SSBP2: variants seen among roughly 807,000 people sequenced by gnomAD.
The protein encoded by SSBP2 is single stranded DNA binding protein 2.
In SSBP2, 17 loss-of-function variants were observed where a neutral mutation model predicts 61.8. The ratio of observed to expected loss-of-function variants is 0.28; its 90% confidence interval spans 0.19 to 0.41. The LOEUF (loss-of-function observed/expected upper bound fraction) is 0.41, where lower values mean the gene tolerates loss of function less well. Ranked by LOEUF, SSBP2 falls within the 10% of genes least tolerant of loss-of-function variation. SSBP2 has a pLI of 1.00. For synonymous variants in SSBP2, 139 were observed against 141.3 expected, an observed-to-expected ratio of 0.98 and a Z score of 0.12; for missense variants, 310 against 458.7, an observed-to-expected ratio of 0.68 and a Z score of 2.96.
At chr5:81,567,315 T>C (rs1003955053) in intron 4 of SSBP2, among the ~76,000 whole-genome samples, 2 of 152,180 alleles carry the variant, frequency 1.3e-5, no homozygotes, top group South Asian at 2.1e-4. Context: ...CAGCCATGGC[T>C]GAAAGGGACT....
At chr5:81,566,454 C>A (rs1773430752) in intron 4 of SSBP2, among the ~76,000 whole-genome samples, 1 of 152,188 alleles carries the variant, frequency 6.6e-6, no homozygotes, top group Non-Finnish European at 1.5e-5. Context: ...TTGCCTGCTG[C>A]CGTCCATGTA....
At chr5:81,462,204 T>C (rs886756074) in intron 9 of SSBP2, among the ~76,000 whole-genome samples, 1 of 152,106 alleles carries the variant, frequency 6.6e-6, no homozygotes, top group Non-Finnish European at 1.5e-5. Context: ...AATCTCATAA[T>C]GTTTTAAGAA....
rs182434693 is a variant in SSBP2 at position 81,417,811 on chromosome 5, A to T, written c.*2693T>A. 5.9e-5 allele frequency: 9 copies of T among 152,314 alleles called. No individual in the cohort carries two copies. The highest frequency in any genetic ancestry group is 2.2e-4 in the African/African-American group (9 of 41,578). The allele number at this position is 152,314 out of a possible 1,614,324, so 9.4% of individuals were successfully genotyped here. A position where few individuals can be genotyped will look rare whatever the true frequency, so the allele number is the denominator to read the frequency against. Reference sequence around the variant, plus strand: ...TTTCAACTATTTCAGGAAATTTTTAAATCTAAAATAACTCTTTTTAATCTG... The same window carrying T: ...TTTCAACTATTTCAGGAAATTTTTATATCTAAAATAACTCTTTTTAATCTG... On this transcript the variant is annotated 3_prime_UTR_variant, in exon 17 of 17. Coordinates refer to ENST00000320672, the MANE Select transcript of SSBP2 (RefSeq NM_012446.5).
intron 4 of SSBP2, among the ~76,000 whole-genome samples, chr5:81,592,597 G>T (rs1339335885): frequency 1.3e-5 from 2 of 152,174 alleles, no homozygotes; most frequent in African/African-American, 4.8e-5. Flanking sequence ...CCCCTAGTAG[G>T]GGCGGACTGA....
chr5:81,590,221 A>C (rs1775394629), intron 4 of SSBP2, among the ~76,000 whole-genome samples: 1 of 152,178 alleles, frequency 6.6e-6, no homozygotes, highest in East Asian at 1.9e-4. Context: ...ATAAGGAAGA[A>C]AACCAAAGTG....
chr5:81,710,133 C>A (rs1366949080), intron 1 of SSBP2, among the ~76,000 whole-genome samples: 1 of 152,012 alleles, frequency 6.6e-6, no homozygotes, highest in East Asian at 1.9e-4. Flanking sequence ...GTTGATAAAA[C>A]TTCACTTGGT....
Position 81,493,295 on chromosome 5 carries a change from TAGATA to T in SSBP2, c.373-3991_373-3987del, listed in dbSNP as rs1561465972. On this transcript the variant is annotated intron_variant, in intron 5 of 16. Coordinates refer to ENST00000320672, the MANE Select transcript of SSBP2 (RefSeq NM_012446.5). ...ATAGATAGATAGATAGATAGATAGA[TAGATA>T]GATTAACAGGGTCTTGCTCCATTGT... 1.8e-3 allele frequency among the ~76,000 whole-genome samples: 264 copies of T among 143,220 alleles called. 2 individuals carry two copies. Among genetic ancestry groups the T allele is most frequent in the African/African-American group, 6.5e-3 (256 of 39,138 alleles). 94.0% of individuals were successfully genotyped at this position (143,220 alleles called of 152,430 possible).
chr5:81,616,725 G>C (rs1425198785), intron 3 of SSBP2: 1 of 148,806 alleles, frequency 6.7e-6, no homozygotes, highest in African/African-American at 2.5e-5. Flanking sequence ...GAAGAGAGCA[G>C]TGGTTCTCCC....
chr5:81,569,360 T>A (rs1773675438), intron 4 of SSBP2, among the ~76,000 whole-genome samples: 1 of 152,310 alleles, frequency 6.6e-6, no homozygotes, highest in East Asian at 1.9e-4. Context: ...ATCCTTGGGT[T>A]AATGAAACAG....
intron 16 of SSBP2, among the ~76,000 whole-genome samples, chr5:81,427,988 A>G (rs529737362): frequency 1.3e-5 from 2 of 152,316 alleles, no homozygotes; most frequent in South Asian, 4.1e-4. Context: ...GGTCTCTCCA[A>G]TACCTAGCAT....
chr5:81,733,342 A>G (rs1561740671), intron 1 of SSBP2, among the ~76,000 whole-genome samples: 1 of 152,086 alleles, frequency 6.6e-6, no homozygotes, highest in African/African-American at 2.4e-5. Context: ...AGAGATACTT[A>G]TCTCTCTAAC....
At chr5:81,659,766 T>C (rs1212949721) in intron 1 of SSBP2, among the ~76,000 whole-genome samples, 5 of 152,100 alleles carry the variant, frequency 3.3e-5, no homozygotes, top group African/African-American at 9.7e-5. Flanking sequence ...CTTCAAACTA[T>C]ACTATAACGC....
intron 12 of SSBP2, among the ~76,000 whole-genome samples, chr5:81,444,438 C>T (rs1312615642): frequency 6.6e-6 from 1 of 152,126 alleles, no homozygotes; most frequent in Non-Finnish European, 1.5e-5. Context: ...CATGAGTGCT[C>T]CCCTCCCACT....
chr5:81,541,125 G>A (rs183464986), intron 4 of SSBP2, among the ~76,000 whole-genome samples: 108 of 152,182 alleles, frequency 7.1e-4, no homozygotes, highest in African/African-American at 2.6e-3. Flanking sequence ...TACTAATCAT[G>A]TTCAAGCTGA....
intron 5 of SSBP2, among the ~76,000 whole-genome samples, chr5:81,489,865 C>A (rs1580816652): frequency 1.3e-5 from 2 of 151,934 alleles, no homozygotes; most frequent in Admixed American, 6.6e-5. Flanking sequence ...TAGTTCAAAA[C>A]GGACTCTGTG....
intron 5 of SSBP2, among the ~76,000 whole-genome samples, chr5:81,493,761 A>T (rs1561466639): frequency 6.6e-6 from 1 of 151,602 alleles, no homozygotes; most frequent in African/African-American, 2.4e-5. Flanking sequence ...ATCTCAAAAA[A>T]AAAAATAAAA....
intron 1 of SSBP2, among the ~76,000 whole-genome samples, chr5:81,732,807 C>T (rs1481281483): frequency 6.6e-6 from 1 of 152,108 alleles, no homozygotes; most frequent in Non-Finnish European, 1.5e-5. Context: ...AGTAAACATA[C>T]TTTTTTAAAA....
At chr5:81,497,826 T>C (rs1383485402) in intron 5 of SSBP2, among the ~76,000 whole-genome samples, 1 of 152,106 alleles carries the variant, frequency 6.6e-6, no homozygotes, top group Non-Finnish European at 1.5e-5. Flanking sequence ...GAGTCTTAGG[T>C]AGTTTTACAG....
chr5:81,421,839 G>A (rs1051670544), intron 16 of SSBP2, among the ~76,000 whole-genome samples: 53 of 152,092 alleles, frequency 3.5e-4, no homozygotes, highest in African/African-American at 1.2e-3. Flanking sequence ...TGTGATTAGT[G>A]CAATCAAGAC....
Sources: gnomAD v4.1 joint callset for allele counts (sites outside exome capture counted in the v4.1 genomes callset) on GRCh38, gnomAD v4.1.1 for gene constraint, MANE v1.5 for transcripts, NCBI Gene and HGNC (gene_info 2026-07-23, HGNC 2026-07-21) for gene names.